Variants in LUZP2 observed in about 807,000 individuals in gnomAD.
LUZP2 encodes leucine zipper protein 2.
Under a neutral mutation model 51.6 loss-of-function variants are expected in LUZP2, and 52 were observed. That is an observed-to-expected ratio of 1.01 (90% CI 0.81 to 1.27). The LOEUF (loss-of-function observed/expected upper bound fraction) is 1.27, where lower values mean the gene tolerates loss of function less well. Ranked by LOEUF, LUZP2 falls within the 50% of genes most tolerant of loss-of-function variation. LUZP2 has a pLI of 0.00. For synonymous variants in LUZP2, 154 were observed against 137.3 expected (o/e 1.12, Z -0.85); for missense variants, 436 against 395.4 (o/e 1.10, Z -0.87).
intron 5 of LUZP2, among the ~76,000 whole-genome samples, chr11:24,803,169 A>G (rs1421823738): frequency 1.3e-5 from 2 of 152,060 alleles, no homozygotes; most frequent in Admixed American, 1.3e-4. Flanking sequence ...TCTAAAACTC[A>G]ACAACAACCA....
intron 7 of LUZP2, among the ~76,000 whole-genome samples, chr11:24,966,970 A>C (rs1855603380): frequency 6.7e-6 from 1 of 150,318 alleles, no homozygotes; most frequent in Admixed American, 6.7e-5. Flanking sequence ...AGTATTTTTA[A>C]TGCATTGAAT....
At chr11:24,735,368 G>T (rs1294319092) in intron 3 of LUZP2, among the ~76,000 whole-genome samples, 1 of 151,758 alleles carries the variant, frequency 6.6e-6, no homozygotes. Context: ...ACCACAACAA[G>T]GAGAATAAGA....
intron 1 of LUZP2, among the ~76,000 whole-genome samples, chr11:24,652,106 ATGTGTTTGTGTGTGTG>A (rs1329119264): frequency 1.0e-4 from 3 of 30,014 alleles, no homozygotes; most frequent in Non-Finnish European, 2.7e-4. Context: ...ATGTGTGTAT[ATGTGTTTGTGTGTGTG>A]TGTGTGCGTA....
In LUZP2 at chr11:24,693,553, A is replaced by T. The variant is rs1163034575; in HGVS notation, c.63-35616A>T. 3.9e-5 allele frequency among the ~76,000 whole-genome samples: 6 copies of T among 152,108 alleles called. No individual in the cohort carries two copies. In the East Asian group the frequency reaches 9.7e-4, roughly 24 times the overall value. ...CAAACAGGAAGTTTTATTTTCACACAAAGAAAGTTTAAAACTCAACAATAA... is the reference window on the plus strand; with the variant it reads ...CAAACAGGAAGTTTTATTTTCACACTAAGAAAGTTTAAAACTCAACAATAA... On this transcript the variant is annotated intron_variant, in intron 1 of 11. Transcript: ENST00000336930.
chr11:24,843,997 C>T (rs901161340), intron 5 of LUZP2, among the ~76,000 whole-genome samples: 2 of 151,934 alleles, frequency 1.3e-5, no homozygotes, highest in African/African-American at 2.4e-5. Flanking sequence ...AGTGTGAAAA[C>T]GAACTAATAC....
chr11:24,784,054 C>T (rs965632010), intron 5 of LUZP2, among the ~76,000 whole-genome samples: 3 of 151,880 alleles, frequency 2.0e-5, no homozygotes, highest in Non-Finnish European at 4.4e-5. Context: ...AAATACACCC[C>T]TAGACACGGA....
chr11:24,503,510 A>G (rs1850063382), intron 1 of LUZP2, among the ~76,000 whole-genome samples: 1 of 152,256 alleles, frequency 6.6e-6, no homozygotes, highest in Non-Finnish European at 1.5e-5. Context: ...AGACATAATT[A>G]TACCATAGGT....
intron 9 of LUZP2, among the ~76,000 whole-genome samples, chr11:25,024,564 A>G (rs1182802137): frequency 1.3e-5 from 2 of 152,142 alleles, no homozygotes; most frequent in Non-Finnish European, 2.9e-5. Flanking sequence ...CAAAGAGGAT[A>G]AAATACCTAG....
rs563323849 is a variant in LUZP2, at chr11:24,921,987, G to A, written c.522+7449G>A. Among the ~76,000 whole-genome samples the A allele has an allele frequency of 6.6e-5, 10 of 152,178 alleles. No homozygotes were observed. The South Asian group carries it at 2.1e-3, about 32-fold the overall frequency. On this transcript the variant is annotated intron_variant, in intron 7 of 11. Transcript: ENST00000336930. ...AGTCTAGAGGAATTTGACATTTGTG[G>A]CCACTAACATGTTACCTGTAAAGCA...
chr11:25,028,958 T>G (rs534799204), intron 9 of LUZP2, among the ~76,000 whole-genome samples: 1 of 152,292 alleles, frequency 6.6e-6, no homozygotes, highest in South Asian at 2.1e-4. Context: ...TAAAAGATCA[T>G]TAAGTGAAAT....
At chr11:24,956,722 C>T (rs1364630548) in intron 7 of LUZP2, among the ~76,000 whole-genome samples, 1 of 151,802 alleles carries the variant, frequency 6.6e-6, no homozygotes, top group Non-Finnish European at 1.5e-5. Flanking sequence ...TAAGAGAAGG[C>T]TGGGAAGTAG....
chr11:24,681,958 G>A (rs968204315), intron 1 of LUZP2, among the ~76,000 whole-genome samples: 2 of 152,154 alleles, frequency 1.3e-5, no homozygotes, highest in African/African-American at 4.8e-5. Flanking sequence ...AGAAACATTT[G>A]TGGGTTTTCT....
chr11:24,812,694 T>C (rs938901772), intron 5 of LUZP2, among the ~76,000 whole-genome samples: 1 of 152,194 alleles, frequency 6.6e-6, no homozygotes, highest in Non-Finnish European at 1.5e-5. Context: ...GGAGACATTA[T>C]GTGGGTTTTG....
chr11:24,705,933 G>T (rs72882463), intron 1 of LUZP2, among the ~76,000 whole-genome samples: 4,066 of 123,564 alleles, frequency 0.033, 71 homozygotes, highest in Non-Finnish European at 0.048. Flanking sequence ...CGCTAAAAAA[G>T]AAAAAAAAAA....
chr11:24,849,000 A>G (rs1851297186), intron 5 of LUZP2, among the ~76,000 whole-genome samples: 1 of 152,166 alleles, frequency 6.6e-6, no homozygotes, highest in Non-Finnish European at 1.5e-5. Context: ...GGGAAGGTAT[A>G]AAGCCATCTC....
rs117727000 is a variant in LUZP2, at chr11:24,926,075, C to T, written c.522+11537C>T. On this transcript the variant is annotated intron_variant, in intron 7 of 11. Coordinates refer to ENST00000336930, the MANE Select transcript of LUZP2 (RefSeq NM_001009909.4). ...TGCTGCAAATGCTATTATTTTGTTC[C>T]TTTTTATGGCTGATGAGTATCCCAT... 9.7e-3 allele frequency among the ~76,000 whole-genome samples: 1,472 copies of T among 151,672 alleles called. 20 individuals are homozygous for T. Among genetic ancestry groups the T allele is most frequent in the South Asian group, 0.045 (216 of 4,800 alleles).
intron 1 of LUZP2, among the ~76,000 whole-genome samples, chr11:24,602,291 TATGTAC>T (rs575493430): frequency 7.5e-5 from 9 of 120,588 alleles, no homozygotes; most frequent in African/African-American, 2.8e-4. Flanking sequence ...CACACATATA[TATGTAC>T]ATACATATAT....
At chr11:24,947,093 A>G (rs1257573195) in intron 7 of LUZP2, among the ~76,000 whole-genome samples, 1 of 152,114 alleles carries the variant, frequency 6.6e-6, no homozygotes, top group East Asian at 1.9e-4. Flanking sequence ...ATAACCTACT[A>G]TTGACTGAAA....
At chr11:24,793,691 G>C (rs940629501) in intron 5 of LUZP2, among the ~76,000 whole-genome samples, 1 of 152,124 alleles carries the variant, frequency 6.6e-6, no homozygotes. Context: ...TGCCTTATAA[G>C]ACAAGAAATA....
Sources: gnomAD v4.1 joint callset for allele counts (sites outside exome capture counted in the v4.1 genomes callset) on GRCh38, gnomAD v4.1.1 for gene constraint, MANE v1.5 for transcripts, NCBI Gene and HGNC (gene_info 2026-07-23, HGNC 2026-07-21) for gene names.